The following PTH2R variants were observed in gnomAD, a reference collection of about 807,000 sequenced individuals.
PTH2R encodes parathyroid hormone 2 receptor.
Under a neutral mutation model 60.3 loss-of-function variants are expected in PTH2R, and 59 were observed. The ratio of observed to expected loss-of-function variants is 0.98; its 90% CI spans 0.79 to 1.22. The LOEUF is 1.22. PTH2R is among the 50% of genes most tolerant of loss of function. The pLI is 0.00. For synonymous variants in PTH2R, 256 were observed against 243.8 expected (o/e 1.05, Z -0.47); for missense variants, 749 against 682.6 (o/e 1.10, Z -1.08).
chr2:208,397,120 A>G (rs2125885843), intron 1 of PTH2R, among the ~76,000 whole-genome samples: 1 of 152,236 alleles, frequency 6.6e-6, no homozygotes, highest in South Asian at 2.1e-4. Flanking sequence ...ACACTTGGAC[A>G]CAGGGAAGGG....
intron 10 of PTH2R, 63 bp from the exon 11 acceptor site, chr2:208,488,949 C>T: frequency 6.3e-7 from 1 of 1,580,308 alleles, no homozygotes; most frequent in Non-Finnish European, 8.6e-7. Flanking sequence ...TTTCCTCCAG[C>T]ACGCTGTCTT....
rs532097996 is a variant in PTH2R, at chr2:208,483,317, T to C, written c.1076+2153T>C. On this transcript the variant is annotated intron_variant, in intron 10 of 12. Coordinates refer to ENST00000272847, the MANE Select transcript of PTH2R (RefSeq NM_005048.4). ...ATGTCACATCCCATCTGAGAAGACA[T>C]AGGCCAAAGGATAGAATAATAAAAA... Among the ~76,000 whole-genome samples the C allele has an allele frequency of 4.9e-4, 74 of 152,344 alleles. 1 individual carries two copies. The highest frequency in any genetic ancestry group is 3.1e-3 in the Admixed American group (47 of 15,300).
In PTH2R at chr2:208,481,119, T is replaced by G; in HGVS notation, c.1031T>G (p.Ile344Ser). ...LNTVRVLATKIWETNAVGHDT... is the reference protein window; with the variant it reads ...LNTVRVLATKSWETNAVGHDT... Reference sequence around the variant, plus strand: ...ACGGTTAGAGTTCTAGCTACCAAAATCTGGGAGACCAATGCAGTTGGGCAT... The same window carrying G: ...ACGGTTAGAGTTCTAGCTACCAAAAGCTGGGAGACCAATGCAGTTGGGCAT... Residue 344 changes from isoleucine (I) to serine (S), a missense_variant, in exon 10 of 13, where the codon ATC becomes AGC. Ile to Ser is a moderately radical substitution (Grantham distance 142). Transcript: ENST00000272847. The G allele has an allele frequency of 6.2e-7, 1 of 1,612,594 alleles. No individual in the cohort carries two copies. Among genetic ancestry groups the G allele is most frequent in the Non-Finnish European group, 8.5e-7 (1 of 1,178,820 alleles).
At chr2:208,448,172 T>C (rs755198847) in intron 7 of PTH2R, among the ~76,000 whole-genome samples, 64 of 152,268 alleles carry the variant, frequency 4.2e-4, no homozygotes, top group Non-Finnish European at 7.9e-4. Context: ...CCAGCAAACA[T>C]TTTTTGATCA....
intron 9 of PTH2R, among the ~76,000 whole-genome samples, chr2:208,477,946 GTACTAGCACTACTACTAGTACTAGTAC>G (rs6147138): frequency 0.59 from 85,284 of 143,486 alleles, 26,850 homozygotes; most frequent in Admixed American, 0.69. Flanking sequence ...ACTACTAGTA[GTACTAGCACTACTACTAGTACTAGTAC>G]TACTAGCACT....
intron 1 of PTH2R, among the ~76,000 whole-genome samples, chr2:208,425,895 C>T (rs1701848334): frequency 6.6e-6 from 1 of 152,154 alleles, no homozygotes. Flanking sequence ...TGTTGTCTTC[C>T]AGGATCTGTA....
rs540984157 is a variant in PTH2R, at chr2:208,370,170, A to G, written c.-259+9933A>G. Among the ~76,000 whole-genome samples the G allele has an allele frequency of 4.8e-4, 73 of 152,162 alleles. 1 individual carries two copies. Among genetic ancestry groups the G allele is most frequent in the Admixed American group, 3.1e-3 (47 of 15,290 alleles). ...ATTTAAAAAGAAAGGTTGGCCGGGCACGGTGGCTCACGCCTGTAATCACAG... is the reference window on the plus strand; with the variant it reads ...ATTTAAAAAGAAAGGTTGGCCGGGCGCGGTGGCTCACGCCTGTAATCACAG... On this transcript the variant is annotated intron_variant, in intron 1 of 12. Transcript: ENST00000617735.
At chr2:208,451,190 C>G (rs1702401756) in intron 8 of PTH2R, among the ~76,000 whole-genome samples, 1 of 152,124 alleles carries the variant, frequency 6.6e-6, no homozygotes, top group Admixed American at 6.5e-5. Flanking sequence ...CTCTCTCTCT[C>G]TGCCACATCA....
At chr2:208,405,813 C>G (rs932395402), upstream of PTH2R, among the ~76,000 whole-genome samples, 5 of 152,066 alleles carry the variant, frequency 3.3e-5, no homozygotes, top group African/African-American at 1.2e-4. Flanking sequence ...GATCAGTGCC[C>G]TTATAAAAGA....
At chr2:208,403,176 T>C (rs1307227435), upstream of PTH2R, among the ~76,000 whole-genome samples, 1 of 152,274 alleles carries the variant, frequency 6.6e-6, no homozygotes, top group Non-Finnish European at 1.5e-5. Flanking sequence ...CAGCAAATTA[T>C]AGCCATTTAA....
upstream of PTH2R, among the ~76,000 whole-genome samples, chr2:208,403,564 T>C (rs1701348215): frequency 6.6e-6 from 1 of 152,234 alleles, no homozygotes; most frequent in South Asian, 2.1e-4. Context: ...CAGCTAGATT[T>C]CACACTGCAA....
intron 1 of PTH2R, among the ~76,000 whole-genome samples, chr2:208,388,676 G>A (rs1218121948): frequency 6.6e-6 from 1 of 152,150 alleles, no homozygotes; most frequent in Non-Finnish European, 1.5e-5. Context: ...GACATGTTGA[G>A]ATAAGAATCA....
At chr2:208,486,361 C>G (rs903830882) in intron 10 of PTH2R, among the ~76,000 whole-genome samples, 1 of 152,176 alleles carries the variant, frequency 6.6e-6, no homozygotes, top group Non-Finnish European at 1.5e-5. Context: ...CTGGAGGATA[C>G]CCACTACATT....
At chr2:208,375,539 A>G (rs1415992673) in intron 1 of PTH2R, among the ~76,000 whole-genome samples, 1 of 152,138 alleles carries the variant, frequency 6.6e-6, no homozygotes, top group Non-Finnish European at 1.5e-5. Flanking sequence ...AAGGCAAGGA[A>G]CTTGACATGC....
Position 208,442,353 on chromosome 2 carries a change from T to C in PTH2R, c.412-11T>C, listed in dbSNP as rs898277925. 5.7e-6 allele frequency: 9 copies of C among 1,584,028 alleles called. No homozygotes were observed. Among genetic ancestry groups the C allele is most frequent in the South Asian group, 1.1e-5 (1 of 90,320 alleles). On this transcript the variant is annotated splice_polypyrimidine_tract_variant and intron_variant, in intron 4 of 12. Coordinates refer to ENST00000272847, the MANE Select transcript of PTH2R (RefSeq NM_005048.4). ...GTCCCATATCATACATGAGCATCTC[T>C]TCCCTTGCAGCAAGAATTCTTTGAA...
intron 9 of PTH2R, chr2:208,466,688 C>T (rs1179622157): frequency 6.6e-6 from 1 of 152,188 alleles, no homozygotes; most frequent in East Asian, 1.9e-4. Context: ...TATTCAGCTC[C>T]TTTGCCCATT....
intron 9 of PTH2R, among the ~76,000 whole-genome samples, chr2:208,461,893 G>T (rs191986156): frequency 6.6e-6 from 1 of 152,234 alleles, no homozygotes; most frequent in African/African-American, 2.4e-5. Context: ...GTTGGCGAAG[G>T]AGAAATAGAA....
intron 9 of PTH2R, among the ~76,000 whole-genome samples, chr2:208,460,945 G>A (rs1702621378): frequency 6.6e-6 from 1 of 152,004 alleles, no homozygotes; most frequent in South Asian, 2.1e-4. Context: ...TGTCAGAAGG[G>A]CAGCTATTAA....
chr2:208,474,569 T>G (rs1702957817), intron 9 of PTH2R, among the ~76,000 whole-genome samples: 1 of 152,206 alleles, frequency 6.6e-6, no homozygotes, highest in Non-Finnish European at 1.5e-5. Flanking sequence ...CCATGCCAAG[T>G]GGGCATGTTA....
Sources: gnomAD v4.1 joint callset for allele counts (sites outside exome capture counted in the v4.1 genomes callset) on GRCh38, gnomAD v4.1.1 for gene constraint, MANE v1.5 for transcripts, NCBI Gene and HGNC (gene_info 2026-07-23, HGNC 2026-07-21) for gene names.